Variants in HFM1 observed in about 807,000 individuals in gnomAD.
The protein encoded by HFM1 is probable ATP-dependent DNA helicase HFM1.
Under a neutral mutation model 192.1 loss-of-function variants are expected in HFM1, and 169 were observed. The observed-to-expected ratio is 0.88, with a 90% confidence interval of 0.78 to 1.00. HFM1 has a LOEUF of 1.00. Ranked by LOEUF, HFM1 falls within the 50% of genes least tolerant of loss-of-function variation. The probability of loss-of-function intolerance (pLI) is 0.00; values close to 1 mark genes in which losing one functional copy is unlikely to be tolerated. For synonymous variants in HFM1, 525 were observed against 537.8 expected, an observed-to-expected ratio of 0.98 and a Z score of 0.33; for missense variants, 1,661 against 1,668.0, an observed-to-expected ratio of 1.00 and a Z score of 0.07.
intron 13 of HFM1, among the ~76,000 whole-genome samples, chr1:91,358,944 T>C (rs1658101121): frequency 6.6e-6 from 1 of 152,206 alleles, no homozygotes; most frequent in African/African-American, 2.4e-5. Context: ...CAGTCTTCAC[T>C]GGTGATATTT....
intron 30 of HFM1, among the ~76,000 whole-genome samples, chr1:91,304,119 T>G (rs747060536): frequency 6.6e-6 from 1 of 152,132 alleles, no homozygotes. Context: ...CCTCCCAAAG[T>G]GTTGGGATTA....
chr1:91,343,430 C>A lies in HFM1; in HGVS notation c.2335G>T (p.Glu779Ter). 3.0e-6 allele frequency: 4 copies of A among 1,330,790 alleles called. No homozygotes were observed. Among genetic ancestry groups the A allele is most frequent in the South Asian group, 1.4e-5 (1 of 70,770 alleles). 82.4% of individuals were successfully genotyped at this position (1,330,790 alleles called of 1,614,324 possible). A position where few individuals can be genotyped will look rare whatever the true frequency, so the allele number is the denominator to read the frequency against. Residue 779 changes from glutamate (E) to a stop codon, truncating the protein, a stop_gained and splice_region_variant, in exon 20 of 39, where the codon GAA (glutamate) becomes TAA (stop). Transcript: ENST00000370425. LOFTEE classifies it high-confidence loss of function. Reference protein sequence around the residue: ...MDEGVNFKPTEAGRLMAWYYI... With the variant: ...MDEGVNFKPT ...TTTACTGACAATGATAAGAAATTAC[C>A]AGTTGGTTTGAAATTAACACCTTCA... is the stretch of plus-strand genomic sequence containing the variant.
intron 29 of HFM1, 105 bp downstream of exon 29, chr1:91,313,852 G>A (rs1650831157): frequency 1.8e-6 from 1 of 569,076 alleles, no homozygotes. Flanking sequence ...TATTATTTTT[G>A]CATAATACCA....
At position 91,364,825 on chromosome 1, in the gene HFM1, G is replaced by C. The variant is rs184332557; in HGVS notation, c.1685+10533C>G. ...ATTTTTTGTATTTTTAGTAGAGATG[G>C]GGTTTCACCATGTTAGCCAGGGTGG... On this transcript the variant is annotated intron_variant, in intron 13 of 38. Transcript: ENST00000370425. 5.9e-3 allele frequency among the ~76,000 whole-genome samples: 894 copies of C among 151,104 alleles called. 14 individuals are homozygous for C. The highest frequency in any genetic ancestry group is 0.021 in the African/African-American group (858 of 41,182).
rs535414899 is a variant in HFM1, at chr1:91,370,526, G to A, written c.1685+4832C>T. Among the ~76,000 whole-genome samples, 240 of 152,196 alleles carry A rather than the reference G, an allele frequency of 1.6e-3. 3 individuals are homozygous for A. The East Asian group carries it at 0.023, about 15-fold the overall frequency. On this transcript the variant is annotated intron_variant, in intron 13 of 38. Transcript: ENST00000370425. Reference sequence around the variant, plus strand: ...CTCAATAGATGCAGAAAAGGCCTTTGACAAAATTCAACAACCCTTCATGCT... The same window carrying A: ...CTCAATAGATGCAGAAAAGGCCTTTAACAAAATTCAACAACCCTTCATGCT...
chr1:91,271,990 A>C (rs1372049339), intron 34 of HFM1, among the ~76,000 whole-genome samples: 4 of 152,150 alleles, frequency 2.6e-5, no homozygotes, highest in Non-Finnish European at 4.4e-5. Context: ...TTATGATTCA[A>C]CATGCTTTCT....
At chr1:91,404,906 A>AACC (rs1311098347), upstream of HFM1, 1 of 454,278 alleles carries the variant, frequency 2.2e-6, no homozygotes, top group Admixed American at 2.4e-5. Context: ...CCAAGCCCCC[A>AACC]ACCTCTCCCT....
upstream of HFM1, among the ~76,000 whole-genome samples, chr1:91,407,823 C>A (rs990550587): frequency 8.5e-5 from 13 of 152,184 alleles, no homozygotes; most frequent in African/African-American, 3.1e-4. Context: ...ACAGCCAATG[C>A]CATGAGTTCT....
chr1:91,304,102 G>A (rs751866798), intron 30 of HFM1, among the ~76,000 whole-genome samples: 5 of 151,990 alleles, frequency 3.3e-5, no homozygotes, highest in African/African-American at 7.2e-5. Context: ...TGATCTACCC[G>A]CCTCGGCCTC....
chr1:91,385,447 T>TA (rs773333340), intron 5 of HFM1, 128 bp downstream of exon 5: 32 of 821,090 alleles, frequency 3.9e-5, no homozygotes, highest in African/African-American at 1.6e-4. Flanking sequence ...TGCAATATAA[T>TA]AAAAAAATGC....
chr1:91,351,017 T>A, intron 17 of HFM1, 146 bp from the exon 18 acceptor site: 1 of 641,960 alleles, frequency 1.6e-6, no homozygotes, highest in Non-Finnish European at 2.4e-6. Flanking sequence ...AAGAAAACCT[T>A]AAAAAGTCAG....
intron 13 of HFM1, among the ~76,000 whole-genome samples, chr1:91,368,087 T>C (rs1659627955): frequency 6.6e-6 from 1 of 152,126 alleles, no homozygotes. Context: ...CCAAGAAATA[T>C]GGGACTATGT....
intron 30 of HFM1, among the ~76,000 whole-genome samples, chr1:91,311,657 C>G (rs889057465): frequency 1.3e-5 from 2 of 151,814 alleles, no homozygotes; most frequent in African/African-American, 4.8e-5. Context: ...AAATTTGCAG[C>G]CTGACTATGC....
At chr1:91,379,311 C>G (rs1405152291) in intron 8 of HFM1, 97 bp from the exon 9 acceptor site, 5 of 824,876 alleles carry the variant, frequency 6.1e-6, no homozygotes, top group Non-Finnish European at 9.8e-6. Context: ...AAATACACAT[C>G]TACATACTCC....
chr1:91,300,116 C>T (rs1215691933), intron 30 of HFM1, among the ~76,000 whole-genome samples: 1 of 152,070 alleles, frequency 6.6e-6, no homozygotes, highest in South Asian at 2.1e-4. Context: ...CCACCGATCC[C>T]ACAGAAATAC....
At chr1:91,341,807 A>T (rs1655380470) in intron 20 of HFM1, among the ~76,000 whole-genome samples, 1 of 152,026 alleles carries the variant, frequency 6.6e-6, no homozygotes, top group Admixed American at 6.6e-5. Flanking sequence ...ACTGTTATGA[A>T]CACCTTTATA....
rs1194147289 is a variant in HFM1, at chr1:91,370,730, G to T, written c.1685+4628C>A. Reference sequence around the variant, plus strand: ...ACTCCTATTCAACATAGTGTTGGAAGTTCTGGCCAGGGCAATCAGGCAGGA... The same window carrying T: ...ACTCCTATTCAACATAGTGTTGGAATTTCTGGCCAGGGCAATCAGGCAGGA... On this transcript the variant is annotated intron_variant, in intron 13 of 38. Coordinates refer to ENST00000370425, the MANE Select transcript of HFM1 (RefSeq NM_001017975.6). 1.3e-5 allele frequency among the ~76,000 whole-genome samples: 2 copies of T among 152,262 alleles called. 1 individual carries two copies. The highest frequency in any genetic ancestry group is 3.9e-4 in the East Asian group (2 of 5,172).
Position 91,401,109 on chromosome 1 carries a change from T to C in HFM1, c.-27A>G. The C allele has an allele frequency of 7.7e-7, 1 of 1,305,520 alleles. No individual in the cohort carries two copies. Among genetic ancestry groups the C allele is most frequent in the Non-Finnish European group, 1.1e-6 (1 of 934,008 alleles). The allele number at this position is 1,305,520 out of a possible 1,614,324, so 80.9% of individuals were successfully genotyped here. ...GTTGAAAACTGGACTTTGTCATAAA[T>C]CTACAAAATATGGAAAAAGTAGTTT... On this transcript the variant is annotated splice_region_variant and 5_prime_UTR_variant, in exon 2 of 39. Transcript: ENST00000370425.
intron 20 of HFM1, among the ~76,000 whole-genome samples, chr1:91,337,552 G>C (rs1415220759): frequency 6.6e-6 from 1 of 152,140 alleles, no homozygotes; most frequent in African/African-American, 2.4e-5. Context: ...TACAAACCCA[G>C]CATGGTGCAG....
Sources: gnomAD v4.1 joint callset for allele counts (sites outside exome capture counted in the v4.1 genomes callset) on GRCh38, gnomAD v4.1.1 for gene constraint, MANE v1.5 for transcripts, NCBI Gene and HGNC (gene_info 2026-07-23, HGNC 2026-07-21) for gene names.